The following MTHFSD variants were observed in gnomAD, a reference collection of about 807,000 sequenced individuals.
The protein encoded by MTHFSD is methenyltetrahydrofolate synthetase domain containing, also known as methenyltetrahydrofolate synthase domain-containing protein.
In MTHFSD, 37 loss-of-function variants were observed where a neutral mutation model predicts 31.1. The ratio of observed to expected loss-of-function variants is 1.19; its 90% CI spans 0.91 to 1.56. MTHFSD has a LOEUF of 1.56. MTHFSD is among the 40% of genes most tolerant of loss of function. The probability of loss-of-function intolerance (pLI) is 0.00; values close to 1 mark genes in which losing one functional copy is unlikely to be tolerated. For synonymous variants in MTHFSD, 221 were observed against 206.9 expected, an observed-to-expected ratio of 1.07 and a Z score of -0.59; for missense variants, 664 against 510.1, an observed-to-expected ratio of 1.30 and a Z score of -2.91.
Position 86,555,169 on chromosome 16 carries a change from C to T in MTHFSD, c.16G>A (p.Val6Ile), listed in dbSNP as rs1261921103. Reference protein sequence around the residue: MEPRAVGVSKQDIREQ... With the variant: MEPRAIGVSKQDIREQ... ...CCCGGAGCCCCGCCAGGCCCCCCAC[C>T]TGCCCTCGGCTCCATGGTGATGCAG... Residue 6 changes from valine to isoleucine, a missense_variant and splice_region_variant, in exon 1 of 8, where the codon GTA becomes ATA. Transcript: ENST00000360900. The T allele has an allele frequency of 2.0e-6, 3 of 1,536,716 alleles. No individual in the cohort carries two copies. The highest frequency in any genetic ancestry group is 4.9e-5 in the East Asian group (2 of 41,008).
chr16:86,550,625 G>C (rs532404775), intron 3 of MTHFSD, among the ~76,000 whole-genome samples: 2 of 152,348 alleles, frequency 1.3e-5, no homozygotes, highest in East Asian at 3.9e-4. Context: ...TAGTAGTAGA[G>C]AACCAAACCA....
intron 4 of MTHFSD, chr16:86,547,577 G>C: frequency 1.0e-6 from 1 of 988,406 alleles, no homozygotes; most frequent in Non-Finnish European, 1.2e-6. Flanking sequence ...AACTGCAAAG[G>C]AAGAGACGGC....
rs1008896636 is a variant in MTHFSD at position 86,530,314 on chromosome 16, G to C, written c.*1697C>G. ...ATATACCTGGATTATTCTGGCTAAA[G>C]CGACAGGAAATCCCAGCAGTCTGGC... On this transcript the variant is annotated 3_prime_UTR_variant, in exon 8 of 8. Coordinates refer to ENST00000360900, the MANE Select transcript of MTHFSD (RefSeq NM_001159377.2). The C allele has an allele frequency of 6.6e-6, 1 of 152,242 alleles. No individual in the cohort carries two copies. Among genetic ancestry groups the C allele is most frequent in the Admixed American group, 6.5e-5 (1 of 15,286 alleles). 9.4% of individuals were successfully genotyped at this position (152,242 alleles called of 1,614,324 possible).
At chr16:86,551,823 C>G (rs1038628994) in intron 3 of MTHFSD, 6 of 862,812 alleles carry the variant, frequency 7.0e-6, no homozygotes, top group Admixed American at 3.3e-5. Flanking sequence ...TAGAAGCATT[C>G]GGGACTCCTG....
intron 3 of MTHFSD, among the ~76,000 whole-genome samples, chr16:86,549,202 C>T (rs1972773417): frequency 6.6e-6 from 1 of 152,208 alleles, no homozygotes; most frequent in Non-Finnish European, 1.5e-5. Flanking sequence ...GCTCCTGGCA[C>T]CTGTTAGAAA....
At chr16:86,547,605 G>C in intron 4 of MTHFSD, 1 of 954,806 alleles carries the variant, frequency 1.0e-6, no homozygotes, top group South Asian at 4.8e-5. Flanking sequence ...TGTGAATGCT[G>C]ACCATCACCA....
chr16:86,546,642 C>A lies in MTHFSD; in HGVS notation c.359G>T (p.Arg120Met), dbSNP rs1053134433. ...LRKCATSQGV[R>M]NYSVPIGLDS... ...CAAGCCTATGGGGACACTGTAGTTC[C>A]TCACACCCTGCACACAGAGATACGG... Residue 120 changes from arginine (R) to methionine (M), a missense_variant, in exon 5 of 8, where the codon AGG (arginine) becomes ATG (methionine). Coordinates refer to ENST00000360900, the MANE Select transcript of MTHFSD (RefSeq NM_001159377.2). 1.2e-6 allele frequency: 2 copies of A among 1,613,252 alleles called. No individual in the cohort carries two copies. Among genetic ancestry groups the A allele is most frequent in the Non-Finnish European group, 1.7e-6 (2 of 1,179,454 alleles).
chr16:86,552,476 T>C (rs1380383404), intron 2 of MTHFSD, among the ~76,000 whole-genome samples: 3 of 152,184 alleles, frequency 2.0e-5, no homozygotes, highest in Non-Finnish European at 4.4e-5. Flanking sequence ...ACTTGAGCTT[T>C]AACTGAAATG....
chr16:86,532,654 C>CTGGTGACATCGTCTGTGT, intron 7 of MTHFSD, 173 bp from the exon 8 acceptor site: 1 of 432,872 alleles, frequency 2.3e-6, no homozygotes, highest in Non-Finnish European at 4.0e-6. Context: ...CTCACACAGA[C>CTGGTGACATCGTCTGTGT]GATGTCACCA....
At chr16:86,536,113 C>G (rs1970654744) in intron 7 of MTHFSD, among the ~76,000 whole-genome samples, 1 of 152,186 alleles carries the variant, frequency 6.6e-6, no homozygotes, top group African/African-American at 2.4e-5. Context: ...CCATGGCCCC[C>G]CAAACTGCTG....
intron 7 of MTHFSD, chr16:86,540,811 C>T (rs1307236230): frequency 9.8e-7 from 1 of 1,016,156 alleles, no homozygotes; most frequent in Non-Finnish European, 1.2e-6. Context: ...CTCTGGGTTA[C>T]AAAGGCTGTT....
chr16:86,535,899 G>T (rs1436006210), intron 7 of MTHFSD, among the ~76,000 whole-genome samples: 1 of 152,100 alleles, frequency 6.6e-6, no homozygotes, highest in Admixed American at 6.5e-5. Flanking sequence ...ACCCAGGCTG[G>T]AGTACAGTGG....
In MTHFSD at chr16:86,554,643, A is replaced by G. The variant is rs201999128; in HGVS notation, c.123+2T>C. 248 of 1,609,132 alleles carry G rather than the reference A, an allele frequency of 1.5e-4. No homozygotes were observed. Among genetic ancestry groups the G allele is most frequent in the Admixed American group, 7.2e-4 (43 of 59,626 alleles). ...TTCTGGACTCCAGAAATATGTCAGT[A>G]CCTTAAAGTTGGGTATCCTGTGATG... On this transcript the variant is annotated splice_donor_variant, in intron 2 of 7. Coordinates refer to ENST00000360900, the MANE Select transcript of MTHFSD (RefSeq NM_001159377.2). LOFTEE classifies it high-confidence loss of function.
At chr16:86,537,961 G>T (rs527603994) in intron 7 of MTHFSD, among the ~76,000 whole-genome samples, 4 of 152,260 alleles carry the variant, frequency 2.6e-5, no homozygotes, top group African/African-American at 4.8e-5. Context: ...GTAATCAGGA[G>T]CCATGTGCTG....
At chr16:86,541,623 T>C (rs1260232708) in intron 7 of MTHFSD, 74 bp downstream of exon 7, 2 of 1,556,282 alleles carry the variant, frequency 1.3e-6, no homozygotes, top group Non-Finnish European at 1.7e-6. Context: ...ACAGCTCCCA[T>C]GCCAGACAGA....
At chr16:86,537,645 C>A (rs985532753) in intron 7 of MTHFSD, among the ~76,000 whole-genome samples, 13 of 152,178 alleles carry the variant, frequency 8.5e-5, no homozygotes, top group Admixed American at 8.5e-4. Context: ...GTGTTTTATG[C>A]GGGATCTGAA....
rs1285713808 is a variant in MTHFSD at position 86,547,257 on chromosome 16, C to T, written c.352-608G>A. Reference sequence around the variant, plus strand: ...CAACCAAAATGTCCCAAAAGTGTACCGCTTTATACTAATGCAGGCATGCAT... The same window carrying T: ...CAACCAAAATGTCCCAAAAGTGTACTGCTTTATACTAATGCAGGCATGCAT... On this transcript the variant is annotated intron_variant, in intron 4 of 7. Coordinates refer to ENST00000360900, the MANE Select transcript of MTHFSD (RefSeq NM_001159377.2). The T allele has an allele frequency of 9.1e-6, 9 of 985,750 alleles. No individual in the cohort carries two copies. The South Asian group carries it at 2.3e-4, about 26-fold the overall frequency. The allele number at this position is 985,750 out of a possible 1,614,324, so 61.1% of individuals were successfully genotyped here. A position where few individuals can be genotyped will look rare whatever the true frequency, so the allele number is the denominator to read the frequency against.
chr16:86,554,514 G>T lies in MTHFSD; in HGVS notation c.123+131C>A, dbSNP rs1208601714. The T allele has an allele frequency of 1.6e-5, 12 of 746,556 alleles. No individual in the cohort carries two copies. In the African/African-American group the frequency reaches 1.9e-4, roughly 12 times the overall value. The allele number at this position is 746,556 out of a possible 1,614,324, so 46.2% of individuals were successfully genotyped here. On this transcript the variant is annotated intron_variant, in intron 2 of 7. Transcript: ENST00000360900. ...AAGGACGCCCTGGCCAAATGGCTTT[G>T]ATTTCACACCACTGCTCACTGCTCG...
intron 3 of MTHFSD, among the ~76,000 whole-genome samples, chr16:86,551,017 T>A (rs1973070929): frequency 6.6e-6 from 1 of 152,236 alleles, no homozygotes; most frequent in Admixed American, 6.5e-5. Context: ...TGCCCTGAGA[T>A]GGCCAGTACT....
Sources: gnomAD v4.1 joint callset for allele counts (sites outside exome capture counted in the v4.1 genomes callset) on GRCh38, gnomAD v4.1.1 for gene constraint, MANE v1.5 for transcripts, NCBI Gene and HGNC (gene_info 2026-07-23, HGNC 2026-07-21) for gene names.